The following CDH13 variants were observed in gnomAD, a reference collection of about 807,000 sequenced individuals.
CDH13 encodes the protein cadherin 13.
Under a neutral mutation model 63.8 loss-of-function variants are expected in CDH13, and 24 were observed. The ratio of observed to expected loss-of-function variants is 0.38; its 90% CI spans 0.27 to 0.53. The LOEUF (loss-of-function observed/expected upper bound fraction) is 0.53. Ranked by LOEUF, CDH13 falls within the 20% of genes least tolerant of loss-of-function variation. The probability of loss-of-function intolerance (pLI) is 0.85; values close to 1 mark genes in which losing one functional copy is unlikely to be tolerated. For synonymous variants in CDH13, 503 were observed against 355.3 expected, an observed-to-expected ratio of 1.42 and a Z score of -4.67; for missense variants, 1,049 against 903.1, an observed-to-expected ratio of 1.16 and a Z score of -2.07.
chr16:83,654,040 G>A (rs8051748), intron 8 of CDH13, among the ~76,000 whole-genome samples: 36,844 of 151,874 alleles, frequency 0.24, 4,665 homozygotes, highest in Admixed American at 0.29. Flanking sequence ...GTGGGGTAAT[G>A]AATGCACAAA....
At chr16:83,497,839 G>T (rs1329332953) in intron 7 of CDH13, among the ~76,000 whole-genome samples, 1 of 152,116 alleles carries the variant, frequency 6.6e-6, no homozygotes, top group Non-Finnish European at 1.5e-5. Context: ...GTTATCATAT[G>T]TCTATATCTG....
chr16:83,756,736 AAGGAC>A (rs1479272289), intron 11 of CDH13, among the ~76,000 whole-genome samples: 1 of 152,234 alleles, frequency 6.6e-6, no homozygotes, highest in East Asian at 1.9e-4. Flanking sequence ...TATCAAAAAG[AAGGAC>A]ATCACAGTCC....
At chr16:83,145,015 G>T (rs2036687968) in intron 4 of CDH13, among the ~76,000 whole-genome samples, 1 of 152,190 alleles carries the variant, frequency 6.6e-6, no homozygotes, top group Non-Finnish European at 1.5e-5. Flanking sequence ...GTTGCAAATG[G>T]AGACGCCGTG....
intron 5 of CDH13, among the ~76,000 whole-genome samples, chr16:83,223,115 C>G (rs2039746395): frequency 6.6e-6 from 1 of 152,204 alleles, no homozygotes; most frequent in East Asian, 1.9e-4. Flanking sequence ...CCATTTTGTA[C>G]TGCTGTAACA....
intron 7 of CDH13, among the ~76,000 whole-genome samples, chr16:83,551,748 C>G (rs763860328): frequency 6.6e-6 from 1 of 152,164 alleles, no homozygotes; most frequent in Non-Finnish European, 1.5e-5. Context: ...TTCCATTTTT[C>G]ATCACTTTGT....
intron 6 of CDH13, among the ~76,000 whole-genome samples, chr16:83,414,425 A>T (rs1424057288): frequency 6.6e-6 from 1 of 152,158 alleles, no homozygotes; most frequent in Non-Finnish European, 1.5e-5. Flanking sequence ...ATTTTATTTT[A>T]TTGTGATAAG....
intron 10 of CDH13, among the ~76,000 whole-genome samples, chr16:83,702,344 A>G (rs1292004682): frequency 6.6e-6 from 1 of 152,168 alleles, no homozygotes; most frequent in Non-Finnish European, 1.5e-5. Flanking sequence ...CACTCCTATT[A>G]CAGTCGAACT....
intron 10 of CDH13, among the ~76,000 whole-genome samples, chr16:83,744,118 C>G (rs552613105): frequency 4.6e-5 from 7 of 152,150 alleles, no homozygotes; most frequent in African/African-American, 1.7e-4. Context: ...GGGTTTAGCA[C>G]CAAGCTGGGC....
intron 3 of CDH13, among the ~76,000 whole-genome samples, chr16:83,045,677 C>T (rs1455205673): frequency 1.4e-5 from 2 of 140,716 alleles, no homozygotes; most frequent in African/African-American, 5.4e-5. Flanking sequence ...CTGCATTTCT[C>T]AAGGGAAAAA....
intron 2 of CDH13, among the ~76,000 whole-genome samples, chr16:82,941,607 C>A (rs183758656): frequency 6.6e-6 from 1 of 152,114 alleles, no homozygotes; most frequent in South Asian, 2.1e-4. Flanking sequence ...GAGATTGTAT[C>A]AACTCCCAGT....
At chr16:83,415,321 T>C (rs1308689095) in intron 6 of CDH13, among the ~76,000 whole-genome samples, 2 of 152,284 alleles carry the variant, frequency 1.3e-5, no homozygotes, top group South Asian at 2.1e-4. Context: ...TAAGACCAGA[T>C]GTTTGGCCCA....
chr16:83,011,526 G>A (rs1490162949), intron 2 of CDH13, among the ~76,000 whole-genome samples: 2 of 152,102 alleles, frequency 1.3e-5, no homozygotes, highest in East Asian at 3.9e-4. Context: ...TCTGGGTCCT[G>A]TGCTTGAAAG....
At chr16:83,234,893 ACT>A (rs1469641137) in intron 5 of CDH13, among the ~76,000 whole-genome samples, 2 of 151,962 alleles carry the variant, frequency 1.3e-5, no homozygotes, top group Non-Finnish European at 2.9e-5. Context: ...CCACACACTG[ACT>A]CTGTTAACTG....
At chr16:83,177,526 A>G (rs1275846135) in intron 4 of CDH13, among the ~76,000 whole-genome samples, 1 of 152,190 alleles carries the variant, frequency 6.6e-6, no homozygotes, top group Non-Finnish European at 1.5e-5. Flanking sequence ...TTGTGATGAT[A>G]ATAGTACCTG....
At chr16:83,010,650 T>A (rs1914056308) in intron 2 of CDH13, among the ~76,000 whole-genome samples, 1 of 152,188 alleles carries the variant, frequency 6.6e-6, no homozygotes, top group African/African-American at 2.4e-5. Context: ...TGTGGGTGAA[T>A]CTGCTGCAAA....
At chr16:83,139,083 G>A (rs1341047788) in intron 4 of CDH13, among the ~76,000 whole-genome samples, 3 of 152,064 alleles carry the variant, frequency 2.0e-5, no homozygotes, top group Non-Finnish European at 4.4e-5. Flanking sequence ...GCTCTGTGCT[G>A]AGGCTGCTGT....
intron 7 of CDH13, among the ~76,000 whole-genome samples, chr16:83,580,786 C>G (rs1243721297): frequency 1.3e-5 from 2 of 152,060 alleles, no homozygotes; most frequent in Non-Finnish European, 2.9e-5. Flanking sequence ...ACCACCACAC[C>G]CAGCCTGTTC....
intron 7 of CDH13, among the ~76,000 whole-genome samples, chr16:83,597,313 A>G (rs953967292): frequency 6.6e-6 from 1 of 152,226 alleles, no homozygotes; most frequent in African/African-American, 2.4e-5. Flanking sequence ...GTGGATCTGT[A>G]CATTGGACTA....
chr16:83,547,503 C>G (rs557354960), intron 7 of CDH13, among the ~76,000 whole-genome samples: 1 of 152,246 alleles, frequency 6.6e-6, no homozygotes, highest in African/African-American at 2.4e-5. Context: ...CTTTGTGTGT[C>G]CATGCTTTCT....
Sources: gnomAD v4.1 joint callset for allele counts (sites outside exome capture counted in the v4.1 genomes callset) on GRCh38, gnomAD v4.1.1 for gene constraint, MANE v1.5 for transcripts, NCBI Gene and HGNC (gene_info 2026-07-23, HGNC 2026-07-21) for gene names.